The following UBE2K variants were observed in gnomAD, a reference collection of about 807,000 sequenced individuals.
The protein encoded by UBE2K is ubiquitin conjugating enzyme E2 K, also known as ubiquitin-conjugating enzyme E2 K.
UBE2K carries 6 observed loss-of-function variants against 30.0 expected under a neutral mutation model. That is an observed-to-expected ratio of 0.20 (90% confidence interval 0.11 to 0.39). UBE2K has a LOEUF of 0.39. Ranked by LOEUF, UBE2K falls within the 10% of genes least tolerant of loss-of-function variation. UBE2K has a pLI of 1.00. For missense variants in UBE2K, 61 were observed against 241.6 expected (o/e 0.25, Z 4.96); for synonymous variants, 86 against 83.7 (o/e 1.03, Z -0.15).
chr4:39,773,490 AAG>A lies in UBE2K; in HGVS notation c.300-1342_300-1341del, dbSNP rs574893467. Among the ~76,000 whole-genome samples the A allele has an allele frequency of 3.4e-4, 51 of 152,026 alleles. No homozygotes were observed. In the South Asian group the frequency reaches 1.0e-2, roughly 30 times the overall value. On this transcript the variant is annotated intron_variant, in intron 4 of 6. Coordinates refer to ENST00000261427, the MANE Select transcript of UBE2K (RefSeq NM_005339.5). ...CTCAAGAAAATAAAAGAAAAGAAAA[AAG>A]AAAATATATTTGTTTCATAGTATCT...
chr4:39,711,379 G>A lies in UBE2K; in HGVS notation c.63+12989G>A, dbSNP rs972149279. On this transcript the variant is annotated intron_variant, in intron 1 of 6. Transcript: ENST00000261427. The stretch of plus-strand genomic sequence containing the variant: ...GGGTTTCACCGTGTTAGCCTGGATG[G>A]TCTCGATCTCCTGACTTCATGATCC... 8.6e-5 allele frequency among the ~76,000 whole-genome samples: 13 copies of A among 151,418 alleles called. 1 individual carries two copies. The East Asian group carries it at 2.5e-3, about 29-fold the overall frequency.
chr4:39,712,917 G>A (rs1560342433), intron 1 of UBE2K, among the ~76,000 whole-genome samples: 3 of 149,960 alleles, frequency 2.0e-5, no homozygotes. Context: ...CCAGACTGGA[G>A]TGCCGTGGCG....
At chr4:39,712,759 G>T (rs1006183673) in intron 1 of UBE2K, among the ~76,000 whole-genome samples, 5 of 151,708 alleles carry the variant, frequency 3.3e-5, no homozygotes, top group Admixed American at 3.3e-4. Context: ...TATGATGGAT[G>T]TGAAATGGTG....
At chr4:39,775,770 C>T (rs1713248411) in intron 5 of UBE2K, among the ~76,000 whole-genome samples, 1 of 152,122 alleles carries the variant, frequency 6.6e-6, no homozygotes, top group Non-Finnish European at 1.5e-5. Context: ...AATTTGCCAA[C>T]ACCTACTCTA....
rs1199478448 is a variant in UBE2K at position 39,757,014 on chromosome 4, T to TG, written c.299+1275_299+1276insG. Among the ~76,000 whole-genome samples the TG allele has an allele frequency of 5.4e-3, 552 of 101,898 alleles. 9 individuals carry two copies. The highest frequency in any genetic ancestry group is 0.02 in the African/African-American group (506 of 25,158). The allele number at this position is 101,898 out of a possible 152,430, so 66.8% of individuals were successfully genotyped here. ...TTTTTTTGGGTGTTTTTTTTTTGTT[T>TG]TTTGTTTTTTGTTTTTTGTTTTTTT... On this transcript the variant is annotated intron_variant, in intron 4 of 6. Coordinates refer to ENST00000261427, the MANE Select transcript of UBE2K (RefSeq NM_005339.5).
At chr4:39,775,426 A>G (rs905018164) in intron 5 of UBE2K, among the ~76,000 whole-genome samples, 7 of 152,214 alleles carry the variant, frequency 4.6e-5, no homozygotes, top group Non-Finnish European at 8.8e-5. Context: ...CGGAGACTGG[A>G]CCTAAGTTAT....
At chr4:39,700,977 G>C (rs1717976199) in intron 1 of UBE2K, among the ~76,000 whole-genome samples, 1 of 152,158 alleles carries the variant, frequency 6.6e-6, no homozygotes, top group Admixed American at 6.5e-5. Flanking sequence ...TGGGTAAAAG[G>C]TTTCATGAGA....
chr4:39,776,614 C>T (rs144787627), intron 5 of UBE2K, among the ~76,000 whole-genome samples: 2 of 152,102 alleles, frequency 1.3e-5, no homozygotes, highest in Admixed American at 6.5e-5. Context: ...TTTCCTCTGC[C>T]TGAGGAAACT....
intron 1 of UBE2K, among the ~76,000 whole-genome samples, chr4:39,707,396 G>A (rs1718426828): frequency 6.6e-6 from 1 of 151,590 alleles, no homozygotes; most frequent in Non-Finnish European, 1.5e-5. Flanking sequence ...TAGTAGAGAT[G>A]GGGTTTCTAG....
intron 1 of UBE2K, among the ~76,000 whole-genome samples, chr4:39,713,302 T>TTTTTTTTTTTTTTTTTA (rs1718820020): frequency 2.1e-5 from 3 of 145,744 alleles, no homozygotes; most frequent in African/African-American, 5.1e-5. Flanking sequence ...TTTTTTTTTT[T>TTTTTTTTTTTTTTTTTA]GAGACAGTTC....
rs28469340 is a variant in UBE2K at position 39,749,089 on chromosome 4, T to G, written c.216+3279T>G. ...AGGTAGCTGGTTATATTCTCATTAC[T>G]ACTGTGCAGCTAAAATTTGAGAAAA... On this transcript the variant is annotated intron_variant, in intron 3 of 6. Coordinates refer to ENST00000261427, the MANE Select transcript of UBE2K (RefSeq NM_005339.5). Among the ~76,000 whole-genome samples the G allele has an allele frequency of 7.5e-3, 1,146 of 152,328 alleles. 15 individuals are homozygous for G. The highest frequency in any genetic ancestry group is 0.026 in the African/African-American group (1,086 of 41,558).
At chr4:39,699,144 CAT>C (rs1231912134) in intron 1 of UBE2K, among the ~76,000 whole-genome samples, 1 of 152,094 alleles carries the variant, frequency 6.6e-6, no homozygotes. Flanking sequence ...GTATTAAAGA[CAT>C]GTAAATATTT....
At chr4:39,705,354 C>T (rs543875292) in intron 1 of UBE2K, among the ~76,000 whole-genome samples, 3 of 150,308 alleles carry the variant, frequency 2.0e-5, no homozygotes, top group African/African-American at 7.3e-5. Flanking sequence ...CACCCCACCA[C>T]GCCCAGCTAA....
At chr4:39,765,749 C>G (rs1712277238) in intron 4 of UBE2K, among the ~76,000 whole-genome samples, 1 of 152,000 alleles carries the variant, frequency 6.6e-6, no homozygotes, top group African/African-American at 2.4e-5. Context: ...GCAGAGGTTG[C>G]AGTGAGCCAA....
intron 4 of UBE2K, chr4:39,770,533 C>A: frequency 1.2e-6 from 2 of 1,601,018 alleles, no homozygotes; most frequent in Non-Finnish European, 1.7e-6. Flanking sequence ...GCCCCCCGGG[C>A]AACCATGGCC....
rs1197184209 is a variant in UBE2K at position 39,753,047 on chromosome 4, A to G, written c.217-2610A>G. On this transcript the variant is annotated intron_variant, in intron 3 of 6. Transcript: ENST00000261427. Reference sequence around the variant, plus strand: ...AAAAAACAGAAAGAAAGAAAAAGAAATACTCAACCTGTATTAAGATGTGAA... The same window carrying G: ...AAAAAACAGAAAGAAAGAAAAAGAAGTACTCAACCTGTATTAAGATGTGAA... Among the ~76,000 whole-genome samples, 2 of 152,296 alleles carry G rather than the reference A, an allele frequency of 1.3e-5. 1 individual carries two copies. The highest frequency in any genetic ancestry group is 1.3e-4 in the Admixed American group (2 of 15,286).
intron 1 of UBE2K, among the ~76,000 whole-genome samples, chr4:39,727,142 A>G (rs376740127): frequency 6.6e-6 from 1 of 152,130 alleles, no homozygotes; most frequent in South Asian, 2.1e-4. Context: ...ATTCTTCTTA[A>G]TGGTTGTAAT....
At chr4:39,754,622 G>T (rs747175926) in intron 3 of UBE2K, among the ~76,000 whole-genome samples, 11 of 152,098 alleles carry the variant, frequency 7.2e-5, no homozygotes, top group African/African-American at 1.2e-4. Context: ...TAATCCTCAT[G>T]CCTCAGCTCC....
intron 1 of UBE2K, among the ~76,000 whole-genome samples, chr4:39,720,963 T>C (rs1484004724): frequency 6.6e-6 from 1 of 152,058 alleles, no homozygotes; most frequent in Non-Finnish European, 1.5e-5. Flanking sequence ...CCCAGGCTGG[T>C]CTTGAACTCC....
Sources: allele counts gnomAD v4.1 joint callset (sites outside exome capture counted in the v4.1 genomes callset), GRCh38; gene constraint gnomAD v4.1.1; transcripts MANE v1.5; gene names NCBI Gene and HGNC (gene_info 2026-07-23, HGNC 2026-07-21).